Variants in COL8A1 observed in about 807,000 individuals in gnomAD.
COL8A1 encodes collagen type VIII alpha 1 chain, also known as collagen alpha-1(VIII) chain.
A neutral mutation model predicts 42.7 loss-of-function variants in COL8A1; 21 were observed. That is an observed-to-expected ratio of 0.49 (90% CI 0.35 to 0.71). The LOEUF (loss-of-function observed/expected upper bound fraction) is 0.71, where lower values mean the gene tolerates loss of function less well. Ranked by LOEUF, COL8A1 falls within the 30% of genes least tolerant of loss-of-function variation. The probability of loss-of-function intolerance (pLI) is 0.01; values close to 1 mark genes in which losing one functional copy is unlikely to be tolerated. For missense variants in COL8A1, 788 were observed against 962.4 expected, an observed-to-expected ratio of 0.82 and a Z score of 2.40; for synonymous variants, 367 against 369.1, an observed-to-expected ratio of 0.99 and a Z score of 0.06.
chr3:99,726,086 G>T (rs1042890116), intron 1 of COL8A1, among the ~76,000 whole-genome samples: 6 of 152,096 alleles, frequency 3.9e-5, no homozygotes, highest in African/African-American at 1.4e-4. Flanking sequence ...GTTGTTTTCT[G>T]ACTTTTTAAT....
At chr3:99,711,572 C>T (rs1939836324) in intron 1 of COL8A1, among the ~76,000 whole-genome samples, 1 of 152,100 alleles carries the variant, frequency 6.6e-6, no homozygotes, top group African/African-American at 2.4e-5. Flanking sequence ...TCTCACCAGA[C>T]AAACAAATGG....
chr3:99,714,748 T>C (rs1255211759), intron 1 of COL8A1, among the ~76,000 whole-genome samples: 1 of 152,026 alleles, frequency 6.6e-6, no homozygotes, highest in Admixed American at 6.6e-5. Context: ...CTAAAAGTGC[T>C]CACACTCTAG....
At chr3:99,791,698 C>T (rs903047592) in intron 3 of COL8A1, among the ~76,000 whole-genome samples, 3 of 152,162 alleles carry the variant, frequency 2.0e-5, no homozygotes, top group Admixed American at 6.5e-5. Context: ...AAACCTAGTA[C>T]TTGCTGCATC....
intron 1 of COL8A1, among the ~76,000 whole-genome samples, chr3:99,680,714 T>A (rs1359972768): frequency 6.6e-6 from 1 of 152,224 alleles, no homozygotes; most frequent in Non-Finnish European, 1.5e-5. Context: ...GGTATCTCAT[T>A]GTGGTTTTGA....
chr3:99,669,146 TAGAGGG>T (rs1392928932), intron 1 of COL8A1, among the ~76,000 whole-genome samples: 30 of 115,388 alleles, frequency 2.6e-4, no homozygotes, highest in East Asian at 6.2e-4. Flanking sequence ...TATATATATA[TAGAGGG>T]AGAGAGAGAG....
At position 99,649,702 on chromosome 3, in the gene COL8A1, C is replaced by T. The variant is rs536103795; in HGVS notation, c.-129+11038C>T. Among the ~76,000 whole-genome samples, 53 of 152,142 alleles carry T rather than the reference C, an allele frequency of 3.5e-4. 1 individual carries two copies. The highest frequency in any genetic ancestry group is 3.1e-3 in the South Asian group (15 of 4,820). ...GTGGTTTTCTGAGAGAACCAAGAAC[C>T]GCGCTTCCACATTCCACATCTCCCT... On this transcript the variant is annotated intron_variant, in intron 1 of 3. Coordinates refer to ENST00000652472, the MANE Select transcript of COL8A1 (RefSeq NM_020351.4).
rs1354196431 is a variant in COL8A1, at chr3:99,725,252, C to T, written c.-128-19645C>T. On this transcript the variant is annotated intron_variant, in intron 1 of 3. Coordinates refer to ENST00000652472, the MANE Select transcript of COL8A1 (RefSeq NM_020351.4). The stretch of plus-strand genomic sequence containing the variant: ...ACCGAACTCTCCCTGGACAGCAGGA[C>T]ATTGCTGAGTTCACCCACTGCCATA... Among the ~76,000 whole-genome samples the T allele has an allele frequency of 2.6e-5, 4 of 152,108 alleles. No homozygotes were observed. In the East Asian group the frequency reaches 7.8e-4, roughly 30 times the overall value.
chr3:99,672,211 A>G (rs754391102), intron 1 of COL8A1, among the ~76,000 whole-genome samples: 2 of 152,052 alleles, frequency 1.3e-5, no homozygotes, highest in Admixed American at 6.6e-5. Flanking sequence ...CAGAAAAGCT[A>G]TCGAAAAGAG....
intron 1 of COL8A1, among the ~76,000 whole-genome samples, chr3:99,700,303 G>GA (rs75656389): frequency 3.0e-4 from 43 of 141,746 alleles, no homozygotes; most frequent in South Asian, 4.5e-4. Context: ...TTTTTTAGAA[G>GA]AAAAAAAAAA....
At chr3:99,763,604 A>G (rs1046777060) in intron 2 of COL8A1, among the ~76,000 whole-genome samples, 2 of 152,132 alleles carry the variant, frequency 1.3e-5, no homozygotes, top group Non-Finnish European at 2.9e-5. Context: ...GGAAAAGGAA[A>G]ATGAGGCACA....
chr3:99,683,345 A>G (rs1372969692), intron 1 of COL8A1, among the ~76,000 whole-genome samples: 1 of 152,238 alleles, frequency 6.6e-6, no homozygotes, highest in Non-Finnish European at 1.5e-5. Context: ...TGAATAAAAA[A>G]TAAATAAATG....
In COL8A1 at chr3:99,795,994, A is replaced by G; in HGVS notation, c.2093A>G (p.Asp698Gly). ...TYDEYKKGFL[D>G]QASGSAVLLL... ...GACGAGTACAAAAAGGGCTTCCTGG[A>G]CCAGGCATCTGGGAGTGCAGTGCTG... The change falls in exon 4 of 4, where the codon GAC (aspartate) becomes GGC (glycine). Residue 698 changes from aspartate (D) to glycine (G), a missense_variant. By Grantham distance (94) the Asp-to-Gly change is moderately conservative (BLOSUM62 -1). Transcript: ENST00000652472. The G allele has an allele frequency of 6.2e-7, 1 of 1,613,990 alleles. No homozygotes were observed. Among genetic ancestry groups the G allele is most frequent in the Non-Finnish European group, 8.5e-7 (1 of 1,179,968 alleles).
rs187630693 is a variant in COL8A1 at position 99,653,092 on chromosome 3, G to T, written c.-129+14428G>T. Among the ~76,000 whole-genome samples, 258 of 152,326 alleles carry T rather than the reference G, an allele frequency of 1.7e-3. 1 individual carries two copies. The highest frequency in any genetic ancestry group is 2.7e-3 in the Non-Finnish European group (184 of 68,034). Reference sequence around the variant, plus strand: ...CAGGATTGATGTGAAAGTTAAATAAGATAACATGTAAGAAAGTGTCTGCTA... The same window carrying T: ...CAGGATTGATGTGAAAGTTAAATAATATAACATGTAAGAAAGTGTCTGCTA... On this transcript the variant is annotated intron_variant, in intron 1 of 3. Coordinates refer to ENST00000652472, the MANE Select transcript of COL8A1 (RefSeq NM_020351.4).
At chr3:99,789,734 C>G (rs1941964001) in intron 2 of COL8A1, among the ~76,000 whole-genome samples, 1 of 152,158 alleles carries the variant, frequency 6.6e-6, no homozygotes, top group African/African-American at 2.4e-5. Context: ...GCAGCGTATT[C>G]TTATTAATAG....
chr3:99,653,925 T>C (rs1937931826), intron 1 of COL8A1, among the ~76,000 whole-genome samples: 1 of 152,064 alleles, frequency 6.6e-6, no homozygotes, highest in African/African-American at 2.4e-5. Flanking sequence ...GCTCACATGA[T>C]CACAAGGTGA....
intron 1 of COL8A1, among the ~76,000 whole-genome samples, chr3:99,643,943 G>C (rs1293590896): frequency 1.3e-5 from 2 of 152,124 alleles, no homozygotes; most frequent in Admixed American, 1.3e-4. Context: ...GGATAATCAG[G>C]AAAAACATTA....
chr3:99,671,512 A>G (rs1048944635), intron 1 of COL8A1, among the ~76,000 whole-genome samples: 5 of 152,008 alleles, frequency 3.3e-5, no homozygotes, highest in African/African-American at 9.7e-5. Context: ...CAAGTATACA[A>G]TATGTTAACT....
intron 1 of COL8A1, chr3:99,678,821 T>C (rs1324093337): frequency 2.0e-5 from 3 of 152,162 alleles, no homozygotes; most frequent in Non-Finnish European, 4.4e-5. Context: ...AGATAGTATT[T>C]TTCACATTGG....
chr3:99,665,911 G>A lies in COL8A1; in HGVS notation c.-129+27247G>A, dbSNP rs545700376. ...TCGCCATGTTGGCCAGGCTGGTCTC[G>A]AACTTCTAACCTCAAGTGATCTGCC... On this transcript the variant is annotated intron_variant, in intron 1 of 3. Coordinates refer to ENST00000652472, the MANE Select transcript of COL8A1 (RefSeq NM_020351.4). 8.0e-4 allele frequency among the ~76,000 whole-genome samples: 120 copies of A among 150,254 alleles called. 2 individuals carry two copies. Among genetic ancestry groups the A allele is most frequent in the African/African-American group, 2.7e-3 (109 of 40,794 alleles).
Sources: gnomAD v4.1 joint callset for allele counts (sites outside exome capture counted in the v4.1 genomes callset) on GRCh38, gnomAD v4.1.1 for gene constraint, MANE v1.5 for transcripts, NCBI Gene and HGNC (gene_info 2026-07-23, HGNC 2026-07-21) for gene names.